Variants in KCNT2 observed in about 807,000 individuals in gnomAD.
KCNT2 encodes the protein potassium channel subfamily T member 2.
KCNT2 carries 67 observed loss-of-function variants against 153.8 expected under a neutral mutation model. That is an observed-to-expected ratio of 0.44 (90% CI 0.36 to 0.53). KCNT2 has a LOEUF of 0.53. Ranked by LOEUF, KCNT2 falls within the 20% of genes least tolerant of loss-of-function variation. The pLI is 0.00. For missense variants in KCNT2, 975 were observed against 1,354.8 expected (o/e 0.72, Z 4.40); for synonymous variants, 500 against 458.8 (o/e 1.09, Z -1.15).
At chr1:196,451,217 C>CTTTTTTTTTTTTTTTTTTT (rs561944079) in intron 8 of KCNT2, among the ~76,000 whole-genome samples, 2 of 63,552 alleles carry the variant, frequency 3.1e-5, no homozygotes, top group Non-Finnish European at 6.1e-5. Context: ...ATCCCTCTTT[C>CTTTTTTTTTTTTTTTTTTT]TTTTTTTTTT....
chr1:196,407,223 A>C (rs2148468945), intron 12 of KCNT2, among the ~76,000 whole-genome samples: 1 of 151,558 alleles, frequency 6.6e-6, no homozygotes, highest in South Asian at 2.1e-4. Context: ...CATAGTCACG[A>C]CCACACTATC....
chr1:196,387,662 A>G (rs928596800), intron 13 of KCNT2, among the ~76,000 whole-genome samples: 23 of 151,950 alleles, frequency 1.5e-4, no homozygotes, highest in Non-Finnish European at 3.4e-4. Flanking sequence ...GCTGATGATT[A>G]GTGATATTGA....
intron 13 of KCNT2, among the ~76,000 whole-genome samples, chr1:196,387,568 G>C (rs932563756): frequency 6.6e-6 from 1 of 151,866 alleles, no homozygotes; most frequent in Non-Finnish European, 1.5e-5. Context: ...GAGGGCATGA[G>C]AGCTTCAGTC....
intron 1 of KCNT2, among the ~76,000 whole-genome samples, chr1:196,516,695 C>G (rs776448935): frequency 6.6e-6 from 1 of 152,172 alleles, no homozygotes; most frequent in Non-Finnish European, 1.5e-5. Flanking sequence ...ACCTGTCAAG[C>G]AGGGTACCTA....
intron 14 of KCNT2, among the ~76,000 whole-genome samples, chr1:196,354,241 T>C (rs1558186575): frequency 6.6e-6 from 1 of 151,934 alleles, no homozygotes; most frequent in Admixed American, 6.6e-5. Context: ...GGAGTCTACC[T>C]CTTTCACAGC....
At position 196,566,108 on chromosome 1, in the gene KCNT2, A is replaced by G. The variant is rs148818564; in HGVS notation, c.95+42107T>C. On this transcript the variant is annotated intron_variant, in intron 1 of 27. Transcript: ENST00000294725. Reference sequence around the variant, plus strand: ...TTGTCAATTTTAAAAATGAATTTGTAAAAAAGAAATAAGCAGACAGTGAAG... The same window carrying G: ...TTGTCAATTTTAAAAATGAATTTGTGAAAAAGAAATAAGCAGACAGTGAAG... 1.3e-3 allele frequency among the ~76,000 whole-genome samples: 205 copies of G among 152,128 alleles called. 1 individual carries two copies. Among genetic ancestry groups the G allele is most frequent in the African/African-American group, 4.7e-3 (194 of 41,558 alleles).
chr1:196,320,013 G>A (rs2148038776), intron 19 of KCNT2, among the ~76,000 whole-genome samples: 1 of 151,802 alleles, frequency 6.6e-6, no homozygotes, highest in East Asian at 1.9e-4. Context: ...AGGGATATAT[G>A]TATAATCACA....
At chr1:196,417,335 T>C (rs1266486107) in intron 12 of KCNT2, among the ~76,000 whole-genome samples, 1 of 152,108 alleles carries the variant, frequency 6.6e-6, no homozygotes, top group Non-Finnish European at 1.5e-5. Flanking sequence ...ATCAATGATT[T>C]TTTCCTAGAC....
chr1:196,359,605 T>G (rs1285731868), intron 14 of KCNT2, among the ~76,000 whole-genome samples: 1 of 151,984 alleles, frequency 6.6e-6, no homozygotes, highest in Non-Finnish European at 1.5e-5. Context: ...GTTCTCTATA[T>G]TGAATGAAAT....
chr1:196,538,249 G>A lies in KCNT2; in HGVS notation c.96-45908C>T, dbSNP rs557157024. ...ACCCAGGTTCCCACCGAAGGCCACC[G>A]GAGCAATATAGCTGCCACCAGGCAC... On this transcript the variant is annotated intron_variant, in intron 1 of 27. Transcript: ENST00000294725. Among the ~76,000 whole-genome samples, 57 of 152,194 alleles carry A rather than the reference G, an allele frequency of 3.7e-4. 1 individual carries two copies. The highest frequency in any genetic ancestry group is 2.2e-3 in the Admixed American group (34 of 15,280).
intron 14 of KCNT2, among the ~76,000 whole-genome samples, chr1:196,371,391 A>AT (rs796113858): frequency 4.4e-4 from 67 of 152,052 alleles, no homozygotes; most frequent in African/African-American, 1.6e-3. Context: ...AGGGTAGATA[A>AT]TTTCTTTATG....
chr1:196,284,519 A>T (rs2147886013), intron 23 of KCNT2, among the ~76,000 whole-genome samples: 1 of 151,722 alleles, frequency 6.6e-6, no homozygotes, highest in South Asian at 2.1e-4. Flanking sequence ...CTGGTGCATA[A>T]TGGTACCCAA....
chr1:196,252,777 G>A (rs977554954), intron 26 of KCNT2, among the ~76,000 whole-genome samples: 5 of 151,082 alleles, frequency 3.3e-5, no homozygotes, highest in African/African-American at 1.2e-4. Flanking sequence ...TTCAGCATTT[G>A]TTTGTCTAAA....
chr1:196,308,145 C>G, intron 21 of KCNT2, among the ~76,000 whole-genome samples: 1 of 150,926 alleles, frequency 6.6e-6, no homozygotes. Context: ...AGGTTCTCCT[C>G]TTTGTCTTTT....
chr1:196,301,979 A>C (rs1262783620), intron 22 of KCNT2, among the ~76,000 whole-genome samples: 3 of 152,224 alleles, frequency 2.0e-5, no homozygotes, highest in Non-Finnish European at 4.4e-5. Context: ...ACTTCACGTG[A>C]TCCACCTGCC....
At chr1:196,233,696 C>T (rs1654157664) in intron 27 of KCNT2, among the ~76,000 whole-genome samples, 2 of 151,350 alleles carry the variant, frequency 1.3e-5, no homozygotes, top group Admixed American at 6.6e-5. Context: ...AAGTAGAATA[C>T]CATTCATCCA....
intron 14 of KCNT2, among the ~76,000 whole-genome samples, chr1:196,348,753 C>T (rs1310167891): frequency 6.6e-6 from 1 of 151,972 alleles, no homozygotes; most frequent in Non-Finnish European, 1.5e-5. Context: ...CGGCCAGGCA[C>T]GGTGGCTCAC....
chr1:196,498,747 A>T (rs1014077876), intron 1 of KCNT2, among the ~76,000 whole-genome samples: 1 of 152,228 alleles, frequency 6.6e-6, no homozygotes, highest in African/African-American at 2.4e-5. Flanking sequence ...GACTTTGATC[A>T]GTAAGGAGAA....
chr1:196,316,933 G>A (rs1031802949), intron 20 of KCNT2, among the ~76,000 whole-genome samples: 4 of 151,714 alleles, frequency 2.6e-5, no homozygotes, highest in Non-Finnish European at 4.4e-5. Context: ...GTTGATTGAA[G>A]ACAGATAAGA....
Sources: allele counts gnomAD v4.1 joint callset (sites outside exome capture counted in the v4.1 genomes callset), GRCh38; gene constraint gnomAD v4.1.1; transcripts MANE v1.5; gene names NCBI Gene and HGNC (gene_info 2026-07-23, HGNC 2026-07-21).